Variants in GRIA1 observed in about 807,000 individuals in gnomAD.
GRIA1 encodes the protein glutamate receptor 1.
GRIA1 carries 31 observed loss-of-function variants against 99.2 expected under a neutral mutation model. The observed-to-expected ratio is 0.31, with a 90% CI of 0.23 to 0.42. GRIA1 has a LOEUF of 0.42. GRIA1 is among the 10% of genes least tolerant of loss of function. The pLI is 1.00. For missense variants in GRIA1, 782 were observed against 1,157.5 expected (o/e 0.68, Z 4.71); for synonymous variants, 438 against 432.4 (o/e 1.01, Z -0.16).
At chr5:153,557,241 T>C (rs1325298406) in intron 2 of GRIA1, among the ~76,000 whole-genome samples, 1 of 152,148 alleles carries the variant, frequency 6.6e-6, no homozygotes, top group Non-Finnish European at 1.5e-5. Context: ...TAGGCTACAC[T>C]AAATTTATTT....
chr5:153,657,976 C>G (rs1755077063), intron 5 of GRIA1, among the ~76,000 whole-genome samples: 2 of 152,122 alleles, frequency 1.3e-5, no homozygotes, highest in South Asian at 4.1e-4. Context: ...CCTTGACTCC[C>G]AGATCCTTAG....
chr5:153,698,630 T>C (rs1216193469), intron 9 of GRIA1, among the ~76,000 whole-genome samples: 3 of 152,184 alleles, frequency 2.0e-5, no homozygotes, highest in African/African-American at 7.2e-5. Context: ...GGAACATAAT[T>C]TGAAAAGCTG....
At chr5:153,540,612 T>C (rs1405767242) in intron 2 of GRIA1, among the ~76,000 whole-genome samples, 1 of 152,204 alleles carries the variant, frequency 6.6e-6, no homozygotes, top group Non-Finnish European at 1.5e-5. Flanking sequence ...CTATGTTAGT[T>C]ACTGAGAATA....
intron 7 of GRIA1, among the ~76,000 whole-genome samples, chr5:153,679,611 C>G (rs1756833212): frequency 1.3e-5 from 2 of 152,232 alleles, no homozygotes; most frequent in Non-Finnish European, 2.9e-5. Context: ...GCCTTCCATC[C>G]ATAGTCAGGA....
chr5:153,567,575 C>T (rs2035947), intron 2 of GRIA1, among the ~76,000 whole-genome samples: 49,316 of 147,806 alleles, frequency 0.33, 10,631 homozygotes, highest in Non-Finnish European at 0.48. Flanking sequence ...TTGCTATAAT[C>T]GTACAAAATA....
chr5:153,675,432 C>T (rs896875507), intron 6 of GRIA1, among the ~76,000 whole-genome samples: 3 of 152,200 alleles, frequency 2.0e-5, no homozygotes, highest in Non-Finnish European at 2.9e-5. Context: ...AATACTGCCA[C>T]CAAAATCTAT....
intron 11 of GRIA1, among the ~76,000 whole-genome samples, chr5:153,723,184 C>G (rs1760204678): frequency 6.6e-6 from 1 of 152,188 alleles, no homozygotes; most frequent in African/African-American, 2.4e-5. Context: ...TTTATTGACC[C>G]ATAGTCTCAA....
At chr5:153,802,329 C>A (rs775007042) in intron 14 of GRIA1, 27 bp from the exon 15 acceptor site, 1 of 1,611,976 alleles carries the variant, frequency 6.2e-7, no homozygotes, top group South Asian at 1.1e-5. Flanking sequence ...TTCCCCCTCC[C>A]CTTCCTTTCC....
At chr5:153,542,938 T>C (rs576858756) in intron 2 of GRIA1, among the ~76,000 whole-genome samples, 2 of 152,366 alleles carry the variant, frequency 1.3e-5, no homozygotes, top group African/African-American at 2.4e-5. Flanking sequence ...CAGACAGATA[T>C]GGGTTGGAAC....
At chr5:153,799,047 C>T (rs561202797) in intron 14 of GRIA1, among the ~76,000 whole-genome samples, 2 of 150,032 alleles carry the variant, frequency 1.3e-5, no homozygotes, top group East Asian at 3.9e-4. Context: ...CTCTCTTTCC[C>T]CACTCCTGGC....
chr5:153,556,999 G>A (rs1293169505), intron 2 of GRIA1, among the ~76,000 whole-genome samples: 1 of 152,196 alleles, frequency 6.6e-6, no homozygotes, highest in Non-Finnish European at 1.5e-5. Context: ...ACTGAGGCAA[G>A]TGTAACACAA....
chr5:153,787,436 C>A (rs930622330), intron 13 of GRIA1, among the ~76,000 whole-genome samples: 2 of 152,120 alleles, frequency 1.3e-5, no homozygotes, highest in African/African-American at 4.8e-5. Context: ...CCCTGATGAC[C>A]CACAACCATC....
chr5:153,520,793 A>T (rs983210498), intron 2 of GRIA1, among the ~76,000 whole-genome samples: 1 of 152,212 alleles, frequency 6.6e-6, no homozygotes. Context: ...AAACGTAAGA[A>T]TTAGTAATAG....
intron 11 of GRIA1, among the ~76,000 whole-genome samples, chr5:153,752,323 A>ATATC (rs922012411): frequency 6.6e-6 from 1 of 152,028 alleles, no homozygotes; most frequent in Non-Finnish European, 1.5e-5. Flanking sequence ...ATCTAGCACA[A>ATATC]TATCTCCTCT....
At chr5:153,549,493 G>T (rs1050428448) in intron 2 of GRIA1, among the ~76,000 whole-genome samples, 1 of 152,078 alleles carries the variant, frequency 6.6e-6, no homozygotes, top group African/African-American at 2.4e-5. Flanking sequence ...ATTGGAGTCT[G>T]GAAGAAAGGT....
intron 5 of GRIA1, among the ~76,000 whole-genome samples, chr5:153,667,670 G>T (rs941716311): frequency 3.3e-5 from 5 of 152,174 alleles, no homozygotes; most frequent in Non-Finnish European, 7.3e-5. Context: ...GAAGACCAGA[G>T]AACTGAGCCT....
At chr5:153,618,857 T>A (rs1766763919) in intron 2 of GRIA1, among the ~76,000 whole-genome samples, 1 of 152,248 alleles carries the variant, frequency 6.6e-6, no homozygotes, top group Non-Finnish European at 1.5e-5. Context: ...ATTATGCTCT[T>A]TTTATAAAAG....
chr5:153,708,088 C>A (rs973446711), intron 11 of GRIA1, among the ~76,000 whole-genome samples: 8 of 152,156 alleles, frequency 5.3e-5, no homozygotes, highest in Admixed American at 3.3e-4. Flanking sequence ...TTTCACAGAA[C>A]CTTTATGCTG....
At chr5:153,650,210 C>A (rs962854409) in intron 3 of GRIA1, 120 bp from the exon 4 acceptor site, 1 of 737,620 alleles carries the variant, frequency 1.4e-6, no homozygotes, top group Admixed American at 2.8e-5. Flanking sequence ...AAAACTAGAA[C>A]TGAGTTTGGC....
Sources: allele counts gnomAD v4.1 joint callset (sites outside exome capture counted in the v4.1 genomes callset), GRCh38; gene constraint gnomAD v4.1.1; transcripts MANE v1.5; gene names NCBI Gene and HGNC (gene_info 2026-07-23, HGNC 2026-07-21).